OSBPL9: variants seen among roughly 807,000 people sequenced by gnomAD.
OSBPL9 encodes oxysterol binding protein like 9.
Under a neutral mutation model 106.6 loss-of-function variants are expected in OSBPL9, and 40 were observed. The ratio of observed to expected loss-of-function variants is 0.38; its 90% CI spans 0.29 to 0.49. OSBPL9 has a LOEUF of 0.49. Among genes scored for constraint, OSBPL9 ranks in the 20% least tolerant of loss-of-function variants. The pLI, the probability that OSBPL9 is intolerant of heterozygous loss-of-function variation, is 0.97. For missense variants in OSBPL9, 609 were observed against 887.2 expected, an observed-to-expected ratio of 0.69 and a Z score of 3.98; for synonymous variants, 269 against 295.4, an observed-to-expected ratio of 0.91 and a Z score of 0.92.
At chr1:51,783,859 T>G in intron 17 of OSBPL9, 56 bp from the exon 18 acceptor site, 3 of 1,290,356 alleles carry the variant, frequency 2.3e-6, no homozygotes, top group Non-Finnish European at 2.2e-6. Flanking sequence ...GGTTATGTGA[T>G]TTTGGAGAGG....
chr1:51,589,993 C>G (rs1186318511), intron 1 of OSBPL9, among the ~76,000 whole-genome samples: 2 of 144,924 alleles, frequency 1.4e-5, no homozygotes, highest in African/African-American at 5.2e-5. Context: ...AGGTTGCGCC[C>G]CTGCACTCCA....
upstream of OSBPL9, chr1:51,614,199 A>AT (rs547713834): frequency 1.3e-5 from 2 of 152,138 alleles, no homozygotes; most frequent in Non-Finnish European, 2.9e-5. Context: ...CAGGATGCTC[A>AT]TTTTTTTGGC....
At chr1:51,631,898 A>C (rs972651778) in intron 1 of OSBPL9, among the ~76,000 whole-genome samples, 5 of 152,200 alleles carry the variant, frequency 3.3e-5, no homozygotes, top group Non-Finnish European at 7.3e-5. Flanking sequence ...TTCAAAAAGT[A>C]AGATACAAAA....
At position 51,753,365 on chromosome 1, in the gene OSBPL9, A is replaced by G. The variant is rs541310937; in HGVS notation, c.544-2955A>G. 6.9e-4 allele frequency among the ~76,000 whole-genome samples: 105 copies of G among 152,318 alleles called. No homozygotes were observed. The Middle Eastern group carries it at 0.017, about 25-fold the overall frequency. On this transcript the variant is annotated intron_variant, in intron 8 of 23. Coordinates refer to ENST00000428468, the MANE Select transcript of OSBPL9 (RefSeq NM_024586.6). ...GTCTGTCTCTTACTGATGCTGTGAG[A>G]CTAAATGATTATTTGTGATGCTCTT...
intron 16 of OSBPL9, 137 bp from the exon 17 acceptor site, chr1:51,782,422 A>T: frequency 3.3e-6 from 2 of 597,440 alleles, no homozygotes; most frequent in Non-Finnish European, 5.7e-6. Flanking sequence ...AAAATATTGT[A>T]GTTAAGTTCT....
the OSBPL9 span, among the ~76,000 whole-genome samples, chr1:51,527,638 C>T: frequency 4.6e-5 from 7 of 152,054 alleles, no homozygotes; most frequent in African/African-American, 1.7e-4. Context: ...AAGCAATCCT[C>T]CTGTCTCAGC....
At chr1:51,591,720 A>G (rs979786523) in intron 1 of OSBPL9, among the ~76,000 whole-genome samples, 8 of 152,148 alleles carry the variant, frequency 5.3e-5, no homozygotes, top group Admixed American at 4.6e-4. Context: ...TGAATCCTGG[A>G]GGTGGAGGTT....
intron 10 of OSBPL9, among the ~76,000 whole-genome samples, chr1:51,761,542 A>G (rs2149068207): frequency 1.3e-5 from 2 of 152,182 alleles, no homozygotes; most frequent in East Asian, 3.8e-4. Context: ...ACTGTACTCC[A>G]CTTCAGATTT....
intron 8 of OSBPL9, 101 bp downstream of exon 8, chr1:51,750,296 C>A: frequency 1.4e-6 from 1 of 715,278 alleles, no homozygotes; most frequent in Non-Finnish European, 2.4e-6. Flanking sequence ...AAACATAGTA[C>A]CTTTCTACAT....
chr1:51,553,543 C>CAAA, the OSBPL9 span, among the ~76,000 whole-genome samples: 1 of 149,654 alleles, frequency 6.7e-6, no homozygotes, highest in Non-Finnish European at 1.5e-5. Context: ...ACAAAACAAA[C>CAAA]AAAAAAAAAG....
At chr1:51,580,092 A>G (rs1244086371) in intron 1 of OSBPL9, among the ~76,000 whole-genome samples, 5 of 152,090 alleles carry the variant, frequency 3.3e-5, no homozygotes, top group Non-Finnish European at 1.5e-5. Context: ...CTGACTGCCA[A>G]TTTACCTGCC....
chr1:51,520,464 T>G, the OSBPL9 span, among the ~76,000 whole-genome samples: 1 of 152,228 alleles, frequency 6.6e-6, no homozygotes, highest in East Asian at 1.9e-4. Flanking sequence ...TAAGCGTTAG[T>G]TGAGGGTTTG....
At chr1:51,623,925 C>CT (rs768675016) in intron 1 of OSBPL9, among the ~76,000 whole-genome samples, 64 of 145,338 alleles carry the variant, frequency 4.4e-4, no homozygotes, top group Admixed American at 6.9e-4. Context: ...ATATATGGTA[C>CT]TTTTTTTTTT....
chr1:51,710,216 C>A (rs1308960744), intron 3 of OSBPL9, among the ~76,000 whole-genome samples: 2 of 152,068 alleles, frequency 1.3e-5, no homozygotes, highest in African/African-American at 4.8e-5. Flanking sequence ...GACCTAGAGT[C>A]CAGATGCTTA....
At chr1:51,670,064 T>C (rs1649502472) in intron 3 of OSBPL9, among the ~76,000 whole-genome samples, 1 of 152,250 alleles carries the variant, frequency 6.6e-6, no homozygotes, top group Admixed American at 6.5e-5. Flanking sequence ...TATAGTTAAA[T>C]GCCATCTGCC....
intron 2 of OSBPL9, among the ~76,000 whole-genome samples, chr1:51,658,437 C>A (rs1200232797): frequency 6.6e-6 from 1 of 151,740 alleles, no homozygotes; most frequent in African/African-American, 2.4e-5. Flanking sequence ...TTCTAAAGGG[C>A]CTTAGGAATC....
At chr1:51,670,731 T>C (rs1199179754) in intron 3 of OSBPL9, among the ~76,000 whole-genome samples, 1 of 152,274 alleles carries the variant, frequency 6.6e-6, no homozygotes, top group Non-Finnish European at 1.5e-5. Flanking sequence ...TTTTCTACTA[T>C]ATTTAACTTC....
chr1:51,786,065 T>C, intron 21 of OSBPL9, 179 bp downstream of exon 21: 1 of 591,986 alleles, frequency 1.7e-6, no homozygotes, highest in South Asian at 2.0e-5. Context: ...TTTTCTTTCC[T>C]TCCCCCACCT....
the OSBPL9 span, chr1:51,519,168 C>G: frequency 7.0e-7 from 1 of 1,428,560 alleles, no homozygotes; most frequent in Non-Finnish European, 9.3e-7. Flanking sequence ...CACCGGCCGG[C>G]CAAGCCCGGC....
Sources: allele counts gnomAD v4.1 joint callset (sites outside exome capture counted in the v4.1 genomes callset), GRCh38; gene constraint gnomAD v4.1.1; transcripts MANE v1.5; gene names NCBI Gene and HGNC (gene_info 2026-07-23, HGNC 2026-07-21).